ARHGEF17: variants seen among roughly 807,000 people sequenced by gnomAD.
ARHGEF17 encodes the protein Rho guanine nucleotide exchange factor 17.
Under a neutral mutation model 174.0 loss-of-function variants are expected in ARHGEF17, and 80 were observed. The ratio of observed to expected loss-of-function variants is 0.46; its 90% CI spans 0.38 to 0.55. ARHGEF17 has a LOEUF of 0.55. ARHGEF17 is among the 20% of genes least tolerant of loss of function. The pLI is 0.00. For synonymous variants in ARHGEF17, 1,311 were observed against 1,189.1 expected (o/e 1.10, Z -2.11); for missense variants, 2,886 against 2,839.7 (o/e 1.02, Z -0.37).
chr11:73,327,510 C>A (rs1442756976), intron 1 of ARHGEF17, among the ~76,000 whole-genome samples: 1 of 152,226 alleles, frequency 6.6e-6, no homozygotes, highest in Non-Finnish European at 1.5e-5. Context: ...GGCCTTGCCC[C>A]GCTTAGTAGA....
chr11:73,310,643 C>T lies in ARHGEF17; in HGVS notation c.2005C>T (p.Arg669Ter), dbSNP rs747249002. 1.2e-6 allele frequency: 2 copies of T among 1,614,064 alleles called. No homozygotes were observed. Among genetic ancestry groups the T allele is most frequent in the Non-Finnish European group, 8.5e-7 (1 of 1,180,006 alleles). ...FCGLGTTGMW[R>*]PLSSSSAQTN... ...CGGCCTGGGTACCACAGGGATGTGG[C>T]GACCTCTTTCCTCATCCTCGGCCCA... Residue 669 changes from arginine to a stop codon, truncating the protein, a stop_gained, in exon 1 of 21, where the codon CGA (arginine) becomes TGA (stop). Transcript: ENST00000263674. LOFTEE classifies it high-confidence loss of function.
chr11:73,331,862 G>A (rs541489995), intron 1 of ARHGEF17, among the ~76,000 whole-genome samples: 77 of 152,272 alleles, frequency 5.1e-4, no homozygotes, highest in African/African-American at 1.4e-3. Flanking sequence ...TGAATGGGAG[G>A]TGGAGGAAAT....
At chr11:73,333,697 A>G (rs1353037707) in intron 1 of ARHGEF17, among the ~76,000 whole-genome samples, 2 of 152,106 alleles carry the variant, frequency 1.3e-5, no homozygotes, top group Non-Finnish European at 2.9e-5. Context: ...CGGGTCCTGG[A>G]ACAGGGTGGG....
At position 73,331,332 on chromosome 11, in the gene ARHGEF17, A is replaced by G. The variant is rs550204148; in HGVS notation, c.3193-15551A>G. Among the ~76,000 whole-genome samples the G allele has an allele frequency of 1.9e-4, 29 of 152,260 alleles. No individual in the cohort carries two copies. In the East Asian group the frequency reaches 4.8e-3, roughly 25 times the overall value. The stretch of plus-strand genomic sequence containing the variant: ...GCCCATGCCTCTCTCTCCCTCTTTT[A>G]CAGATGGGGAAACTGAGGCCATGGA... On this transcript the variant is annotated intron_variant, in intron 1 of 20. Coordinates refer to ENST00000263674, the MANE Select transcript of ARHGEF17 (RefSeq NM_014786.4).
intron 1 of ARHGEF17, among the ~76,000 whole-genome samples, chr11:73,323,845 G>C (rs982506492): frequency 6.6e-6 from 1 of 152,262 alleles, no homozygotes; most frequent in African/African-American, 2.4e-5. Flanking sequence ...TGGTGCCTGG[G>C]CAGTGGAGGG....
intron 1 of ARHGEF17, among the ~76,000 whole-genome samples, chr11:73,343,753 G>A (rs1236394559): frequency 1.3e-5 from 2 of 152,186 alleles, no homozygotes; most frequent in African/African-American, 4.8e-5. Flanking sequence ...CCCTGCAGGG[G>A]AGGGGAGGCG....
chr11:73,327,439 AGT>A, intron 1 of ARHGEF17, among the ~76,000 whole-genome samples: 1 of 151,620 alleles, frequency 6.6e-6, no homozygotes, highest in Non-Finnish European at 1.5e-5. Context: ...AGTATGAACA[AGT>A]GTTGGCAGGA....
chr11:73,329,373 AT>A (rs1192905396), intron 1 of ARHGEF17, among the ~76,000 whole-genome samples: 12 of 13,166 alleles, frequency 9.1e-4, no homozygotes, highest in African/African-American at 4.6e-3. Flanking sequence ...ATATATATAT[AT>A]TTTTTTTTTT....
At chr11:73,340,441 C>G (rs1418867459) in intron 1 of ARHGEF17, among the ~76,000 whole-genome samples, 1 of 152,154 alleles carries the variant, frequency 6.6e-6, no homozygotes, top group African/African-American at 2.4e-5. Context: ...AATACTTTCC[C>G]CTGAAGCAGC....
chr11:73,357,073 CTCA>C lies in ARHGEF17; in HGVS notation c.3943_3945del (p.Ile1315del). 1 of 1,614,216 alleles carries C rather than the reference CTCA, an allele frequency of 6.2e-7. No homozygotes were observed. On this transcript the variant is annotated inframe_deletion, in exon 8 of 21. Coordinates refer to ENST00000263674, the MANE Select transcript of ARHGEF17 (RefSeq NM_014786.4). ...CCGGTCTCTCTTCCTGTTCACGGAC[CTCA>C]TCGTCTGCACCACTCTGAAGCGAAA...
intron 20 of ARHGEF17, among the ~76,000 whole-genome samples, chr11:73,366,703 C>T (rs1865845156): frequency 6.6e-6 from 1 of 151,876 alleles, no homozygotes; most frequent in South Asian, 2.1e-4. Context: ...ACCACTGCAC[C>T]CCAGCCTGGG....
chr11:73,315,091 G>C (rs571365023), intron 1 of ARHGEF17, among the ~76,000 whole-genome samples: 1 of 152,342 alleles, frequency 6.6e-6, no homozygotes, highest in East Asian at 1.9e-4. Context: ...TGCAGACTTA[G>C]AGTCGAAGAC....
rs140800120 is a variant in ARHGEF17 at position 73,310,357 on chromosome 11, C to T, written c.1719C>T (p.Leu573=). ...ALKSSSSELL[L]TGPGAEEDPL... ...AGTCCAGCTCCTCCGAGCTCCTGCT[C>T]ACAGGCCCTGGTGCCGAGGAGGATC... The change falls in exon 1 of 21, where the codon CTC becomes CTT. Residue 573 remains leucine, a synonymous_variant. Transcript: ENST00000263674. 6.2e-7 allele frequency: 1 copy of T among 1,613,872 alleles called. No homozygotes were observed. Among genetic ancestry groups the T allele is most frequent in the African/African-American group, 1.3e-5 (1 of 75,078 alleles).
At chr11:73,347,334 G>C (rs1205807594) in intron 2 of ARHGEF17, 1 of 331,198 alleles carries the variant, frequency 3.0e-6, no homozygotes, top group Non-Finnish European at 5.8e-6. Flanking sequence ...AGCACCTGCT[G>C]TGTGCAGGCC....
intron 1 of ARHGEF17, among the ~76,000 whole-genome samples, chr11:73,321,618 G>T (rs1042401383): frequency 6.6e-6 from 1 of 152,210 alleles, no homozygotes; most frequent in Non-Finnish European, 1.5e-5. Context: ...AGCCCTGGGC[G>T]CTGGCTCCAG....
rs145219831 is a variant in ARHGEF17, at chr11:73,310,081, C to T, written c.1443C>T (p.Asp481=). ...CGCTTCTCAGTTTCCTGCGCTCAGA[C>T]CTTTCAGAGCTGAGGGTCCGAAAAC... ...TLTLLSFLRS[D]LSELRVRKPG... The change falls in exon 1 of 21, where the codon GAC becomes GAT. Residue 481 remains aspartate, a synonymous_variant. Coordinates refer to ENST00000263674, the MANE Select transcript of ARHGEF17 (RefSeq NM_014786.4). 3.5e-4 allele frequency: 557 copies of T among 1,614,062 alleles called. 2 individuals carry two copies. Among genetic ancestry groups the T allele is most frequent in the Middle Eastern group, 4.9e-4 (3 of 6,084 alleles).
In ARHGEF17 at chr11:73,367,749, G is replaced by A; in HGVS notation, c.6161G>A (p.Ser2054Asn). The A allele has an allele frequency of 6.2e-7, 1 of 1,613,814 alleles. No homozygotes were observed. Among genetic ancestry groups the A allele is most frequent in the Non-Finnish European group, 8.5e-7 (1 of 1,179,894 alleles). Residue 2054 changes from serine to asparagine, a missense_variant, in exon 21 of 21, where the codon AGC becomes AAC. By Grantham distance (46) the Ser-to-Asn change is conservative (BLOSUM62 1). Transcript: ENST00000263674. The part of the protein sequence containing the change: ...SSSETVGRDD[S>N]TNHLLLWRV ...AGTGAGACTGTGGGTCGAGACGACAGCACAAACCACCTCCTCCTGTGGAGG... is the reference window on the plus strand; with the variant it reads ...AGTGAGACTGTGGGTCGAGACGACAACACAAACCACCTCCTCCTGTGGAGG...
chr11:73,308,878 G>A lies in ARHGEF17; in HGVS notation c.240G>A (p.Pro80=). 7.4e-7 allele frequency: 1 copy of A among 1,356,560 alleles called. No individual in the cohort carries two copies. Among genetic ancestry groups the A allele is most frequent in the Admixed American group, 3.8e-5 (1 of 26,114 alleles). The allele number at this position is 1,356,560 out of a possible 1,614,324, so 84.0% of individuals were successfully genotyped here. The change falls in exon 1 of 21, where the codon CCG becomes CCA. Residue 80 remains proline, a synonymous_variant. Coordinates refer to ENST00000263674, the MANE Select transcript of ARHGEF17 (RefSeq NM_014786.4). The part of the protein sequence containing the change: ...AQPRPLRSLS[P]SVRQLSRRFD... ...CGCGCCCGCTCCGCAGCCTCTCGCC[G>A]TCGGTTCGCCAGCTCTCCCGGCGCT...
intron 2 of ARHGEF17, 54 bp downstream of exon 2, chr11:73,347,014 G>C (rs1181241301): frequency 6.6e-7 from 1 of 1,522,844 alleles, no homozygotes; most frequent in South Asian, 1.2e-5. Context: ...CTAGGAGGCT[G>C]TCAGATGGGT....
Sources: allele counts gnomAD v4.1 joint callset (sites outside exome capture counted in the v4.1 genomes callset), GRCh38; gene constraint gnomAD v4.1.1; transcripts MANE v1.5; gene names NCBI Gene and HGNC (gene_info 2026-07-23, HGNC 2026-07-21).